DST: variants seen among roughly 807,000 people sequenced by gnomAD.
DST encodes bullous pemphigoid antigen.
Under a neutral mutation model 875.2 loss-of-function variants are expected in DST, and 253 were observed. That is an observed-to-expected ratio of 0.29 (90% CI 0.26 to 0.32). The LOEUF (loss-of-function observed/expected upper bound fraction) is 0.32. Among genes scored for constraint, DST ranks in the 10% least tolerant of loss-of-function variants. The probability of loss-of-function intolerance (pLI) is 1.00; values close to 1 mark genes in which losing one functional copy is unlikely to be tolerated. For synonymous variants in DST, 3,124 were observed against 3,197.1 expected (o/e 0.98, Z 0.77); for missense variants, 8,287 against 9,111.6 (o/e 0.91, Z 3.68).
intron 4 of DST, among the ~76,000 whole-genome samples, chr6:56,757,048 C>G (rs938225162): frequency 3.3e-5 from 5 of 151,978 alleles, no homozygotes; most frequent in African/African-American, 1.2e-4. Flanking sequence ...CTCATTCAGA[C>G]TATTTTCATT....
At chr6:56,882,274 A>G (rs1332708803) in intron 3 of DST, among the ~76,000 whole-genome samples, 6 of 152,244 alleles carry the variant, frequency 3.9e-5, no homozygotes, top group African/African-American at 1.4e-4. Context: ...ATGAAAGCAC[A>G]TGTCCTGTAA....
chr6:56,615,443 A>T, intron 36 of DST: 1 of 1,606,578 alleles, frequency 6.2e-7, no homozygotes, highest in Non-Finnish European at 8.5e-7. Flanking sequence ...TATGTAGCCG[A>T]TATCATCATA....
rs753823450 is a variant in DST at position 56,597,861 on chromosome 6, CCTT to C, written c.12071_12073del (p.Glu4024del). On this transcript the variant is annotated inframe_deletion, in exon 47 of 104. Coordinates refer to ENST00000680361, the MANE Select transcript of DST (RefSeq NM_001374736.1). Reference sequence around the variant, plus strand: ...TTCTCCAATTGCTGACTTGCCATCACCTTCTTGAAAATGGGTCCCGTTCTGTTC... The same window carrying C: ...TTCTCCAATTGCTGACTTGCCATCACCTTGAAAATGGGTCCCGTTCTGTTC... 6.2e-7 allele frequency: 1 copy of C among 1,613,928 alleles called. No individual in the cohort carries two copies. The highest frequency in any genetic ancestry group is 1.1e-5 in the South Asian group (1 of 91,070).
rs775457252 is a variant in DST at position 56,808,085 on chromosome 6, C to A, written c.625+43312G>T. ...CAAGTTCTGGTTTAAACATCAGGCA[C>A]CTTGGAGTTTGTTTACCTAGAAAGG... On this transcript the variant is annotated intron_variant, in intron 4 of 103. Transcript: ENST00000680361. 1.1e-4 allele frequency among the ~76,000 whole-genome samples: 17 copies of A among 152,112 alleles called. 1 individual carries two copies.
intron 10 of DST, among the ~76,000 whole-genome samples, chr6:56,655,493 G>T (rs926153505): frequency 2.0e-5 from 3 of 152,148 alleles, no homozygotes; most frequent in African/African-American, 7.2e-5. Flanking sequence ...AAAATAAAGT[G>T]ACTTAAATTC....
intron 4 of DST, among the ~76,000 whole-genome samples, chr6:56,847,237 T>C (rs1163166538): frequency 6.6e-6 from 1 of 152,150 alleles, no homozygotes; most frequent in Non-Finnish European, 1.5e-5. Flanking sequence ...GGAGGATCCC[T>C]TGAGTCCAGG....
intron 53 of DST, 134 bp from the exon 54 acceptor site, chr6:56,570,146 T>C (rs1287814036): frequency 4.8e-6 from 3 of 630,726 alleles, no homozygotes; most frequent in South Asian, 5.3e-5. Flanking sequence ...AAAGGTTTCA[T>C]AGGTGACAAC....
intron 4 of DST, among the ~76,000 whole-genome samples, chr6:56,810,610 G>C (rs2099758694): frequency 6.6e-6 from 1 of 151,798 alleles, no homozygotes; most frequent in South Asian, 2.1e-4. Flanking sequence ...AGCAGTGAGG[G>C]ACATCAGATG....
At chr6:56,784,702 T>A (rs1229025694) in intron 4 of DST, among the ~76,000 whole-genome samples, 5 of 152,244 alleles carry the variant, frequency 3.3e-5, no homozygotes, top group African/African-American at 1.2e-4. Context: ...AGTTTGATCG[T>A]CTGAAGCCTT....
In DST at chr6:56,774,113, C is replaced by CAAA. The variant is rs59394529; in HGVS notation, c.626-38827_626-38825dup. Reference sequence around the variant, plus strand: ...TGGGCAACAGAGTGAGATTCTGTCTCAAAAAAAAAAAAAAAAAAAGAATTT... The same window carrying CAAA: ...TGGGCAACAGAGTGAGATTCTGTCTCAAAAAAAAAAAAAAAAAAAAAAGAATTT... On this transcript the variant is annotated intron_variant, in intron 4 of 103. Transcript: ENST00000680361. Among the ~76,000 whole-genome samples the CAAA allele has an allele frequency of 1.6e-3, 124 of 76,154 alleles. 4 individuals are homozygous for CAAA. The highest frequency in any genetic ancestry group is 3.8e-3 in the African/African-American group (85 of 22,420). The allele number at this position is 76,154 out of a possible 152,430, so 50.0% of individuals were successfully genotyped here.
rs1161421788 is a variant in DST, at chr6:56,916,987, T to TAAAAA, written c.217-16371_217-16367dup. ...ACTCGCCATCAAGCCCCAGGCATGC[T>TAAAAA]AAAAAAAAAAAAAAAAAAAAAAAAA... On this transcript the variant is annotated intron_variant, in intron 2 of 103. Transcript: ENST00000680361. Among the ~76,000 whole-genome samples, 41 of 35,546 alleles carry TAAAAA rather than the reference T, an allele frequency of 1.2e-3. 4 individuals carry two copies. The highest frequency in any genetic ancestry group is 3.8e-3 in the African/African-American group (34 of 8,870). 23.3% of individuals were successfully genotyped at this position (35,546 alleles called of 152,430 possible). A position where few individuals can be genotyped will look rare whatever the true frequency, so the allele number is the denominator to read the frequency against.
intron 71 of DST, among the ~76,000 whole-genome samples, chr6:56,516,746 C>T (rs924045988): frequency 6.6e-6 from 1 of 152,150 alleles, no homozygotes; most frequent in African/African-American, 2.4e-5. Flanking sequence ...TTACTCAGAT[C>T]ATATTTTCCC....
Position 56,693,200 on chromosome 6 carries a change from G to C in DST, c.1047+6453C>G, listed in dbSNP as rs1377258354. ...ATAGATTCACTCATTTCAAAATCCA[G>C]AGCTTACTTAGATCCTCTCCATTAA... On this transcript the variant is annotated intron_variant, in intron 9 of 103. Coordinates refer to ENST00000680361, the MANE Select transcript of DST (RefSeq NM_001374736.1). 5 of 1,229,632 alleles carry C rather than the reference G, an allele frequency of 4.1e-6. 1 individual carries two copies. In the South Asian group the frequency reaches 4.4e-5, roughly 11 times the overall value. 76.2% of individuals were successfully genotyped at this position (1,229,632 alleles called of 1,614,324 possible).
intron 3 of DST, among the ~76,000 whole-genome samples, chr6:56,887,530 G>A (rs1397031299): frequency 6.6e-6 from 1 of 152,112 alleles, no homozygotes; most frequent in Admixed American, 6.5e-5. Context: ...CTTTGAAGGG[G>A]CTTTCTTTTC....
chr6:56,508,847 C>T (rs2096402682), intron 74 of DST, 92 bp from the exon 75 acceptor site: 1 of 1,052,800 alleles, frequency 9.5e-7, no homozygotes, highest in Admixed American at 2.6e-5. Context: ...AGTAGTGATC[C>T]AATTTGCTAA....
At chr6:56,823,423 T>A (rs2099775502) in intron 4 of DST, among the ~76,000 whole-genome samples, 1 of 152,136 alleles carries the variant, frequency 6.6e-6, no homozygotes. Flanking sequence ...TTTTTTTTGT[T>A]TTTTTTGAGA....
intron 4 of DST, chr6:56,742,206 G>A: frequency 4.9e-6 from 5 of 1,012,032 alleles, no homozygotes; most frequent in Middle Eastern, 4.8e-4. Context: ...ACCAAAGCAG[G>A]TAGTGCAACT....
intron 36 of DST, among the ~76,000 whole-genome samples, chr6:56,622,901 T>C (rs2098703315): frequency 6.6e-6 from 1 of 152,224 alleles, no homozygotes; most frequent in South Asian, 2.1e-4. Context: ...CCATCTTTGA[T>C]TTTATGTTTA....
At chr6:56,639,186 C>G in intron 22 of DST, 73 bp downstream of exon 22, 1 of 1,300,024 alleles carries the variant, frequency 7.7e-7, no homozygotes, top group Non-Finnish European at 1.1e-6. Context: ...TTCAACTTCT[C>G]AGCAATAAAA....
Sources: gnomAD v4.1 joint callset for allele counts (sites outside exome capture counted in the v4.1 genomes callset) on GRCh38, gnomAD v4.1.1 for gene constraint, MANE v1.5 for transcripts, NCBI Gene and HGNC (gene_info 2026-07-23, HGNC 2026-07-21) for gene names.